RTF2: variants seen among roughly 807,000 people sequenced by gnomAD.
The protein encoded by RTF2 is UPF0549 protein C20orf43.
RTF2 carries 18 observed loss-of-function variants against 38.0 expected under a neutral mutation model. The observed-to-expected ratio is 0.47, with a 90% confidence interval of 0.33 to 0.70. The LOEUF is 0.70. Among genes scored for constraint, RTF2 ranks in the 30% least tolerant of loss-of-function variants. RTF2 has a pLI of 0.02. For synonymous variants in RTF2, 126 were observed against 137.1 expected (o/e 0.92, Z 0.57); for missense variants, 311 against 379.6 (o/e 0.82, Z 1.50).
At chr20:56,477,710 G>T (rs759743475) in intron 4 of RTF2, among the ~76,000 whole-genome samples, 6 of 152,058 alleles carry the variant, frequency 3.9e-5, no homozygotes, top group Admixed American at 6.6e-5. Context: ...TAGAGATAGG[G>T]TCTCCCTATG....
Position 56,481,211 on chromosome 20 carries a change from C to G in RTF2, c.399-2900C>G, listed in dbSNP as rs534207576. 2.6e-5 allele frequency among the ~76,000 whole-genome samples: 4 copies of G among 152,310 alleles called. No individual in the cohort carries two copies. In the South Asian group the frequency reaches 8.3e-4, roughly 32 times the overall value. On this transcript the variant is annotated intron_variant, in intron 4 of 8. Coordinates refer to ENST00000357348, the MANE Select transcript of RTF2 (RefSeq NM_016407.5). ...TCAGGAAAGGGGTGGGGCAAAGCAT[C>G]TCGAGTAAGTAAAAATGGTTTCATT...
At chr20:56,492,820 CT>C (rs1232087732) in intron 5 of RTF2, among the ~76,000 whole-genome samples, 1 of 152,020 alleles carries the variant, frequency 6.6e-6, no homozygotes, top group African/African-American at 2.4e-5. Flanking sequence ...AAACGTTGCT[CT>C]TTCTCTGCCC....
intron 6 of RTF2, among the ~76,000 whole-genome samples, chr20:56,514,904 G>A (rs768168708): frequency 2.0e-5 from 3 of 152,062 alleles, no homozygotes; most frequent in Non-Finnish European, 4.4e-5. Flanking sequence ...CTTGGTAGGC[G>A]GGCGTGGTGG....
intron 5 of RTF2, among the ~76,000 whole-genome samples, chr20:56,505,628 G>A (rs1984220137): frequency 6.6e-6 from 1 of 152,002 alleles, no homozygotes; most frequent in Non-Finnish European, 1.5e-5. Context: ...TTCTACATCT[G>A]GAAGGAGGAA....
intron 5 of RTF2, among the ~76,000 whole-genome samples, chr20:56,492,751 G>C (rs1983241544): frequency 6.6e-6 from 1 of 152,056 alleles, no homozygotes; most frequent in African/African-American, 2.4e-5. Context: ...GGAGGAAACA[G>C]ATTAGCGAAG....
At chr20:56,495,430 A>G (rs1258001087) in intron 5 of RTF2, 8 of 711,838 alleles carry the variant, frequency 1.1e-5, no homozygotes, top group South Asian at 6.9e-5. Context: ...GGAAAGTCCA[A>G]CCTTCCTTGA....
intron 5 of RTF2, among the ~76,000 whole-genome samples, chr20:56,508,912 A>G (rs1445557810): frequency 1.3e-5 from 2 of 152,354 alleles, no homozygotes; most frequent in South Asian, 2.1e-4. Flanking sequence ...TTTAGTTACA[A>G]ACCACTTAGG....
At chr20:56,473,473 T>G in intron 2 of RTF2, 78 bp downstream of exon 2, 1 of 1,046,478 alleles carries the variant, frequency 9.6e-7, no homozygotes, top group Non-Finnish European at 1.5e-6. Context: ...AGTTTTCCAT[T>G]CATCAAGCGT....
chr20:56,513,269 C>A, intron 5 of RTF2, 46 bp from the exon 6 acceptor site: 1 of 1,555,998 alleles, frequency 6.4e-7, no homozygotes, highest in South Asian at 1.2e-5. Flanking sequence ...GTGGCCTCCC[C>A]ATTGACTGGT....
intron 5 of RTF2, among the ~76,000 whole-genome samples, chr20:56,491,937 G>A (rs1742779134): frequency 6.6e-6 from 1 of 152,110 alleles, no homozygotes; most frequent in Non-Finnish European, 1.5e-5. Flanking sequence ...GCCTTGACAG[G>A]GGCTTTTATG....
At chr20:56,496,832 T>G in intron 5 of RTF2, 1 of 1,551,836 alleles carries the variant, frequency 6.4e-7, no homozygotes. Flanking sequence ...TATTTGGAGG[T>G]GCATAGATAC....
intron 4 of RTF2, among the ~76,000 whole-genome samples, chr20:56,479,048 T>C (rs1982395652): frequency 6.6e-6 from 1 of 152,200 alleles, no homozygotes; most frequent in South Asian, 2.1e-4. Context: ...TTCAGTCATC[T>C]TCAGGCTCCA....
At chr20:56,470,991 C>G (rs1362807686) in intron 1 of RTF2, 1 of 228,588 alleles carries the variant, frequency 4.4e-6, no homozygotes, top group African/African-American at 2.2e-5. Flanking sequence ...AATCATCAAA[C>G]TGGGCGGGGG....
intron 1 of RTF2, chr20:56,472,448 G>T (rs1400860496): frequency 1.5e-6 from 2 of 1,299,850 alleles, no homozygotes; most frequent in Admixed American, 4.0e-5. Flanking sequence ...GGCCAGGGAG[G>T]GTCTTATGTC....
At chr20:56,500,708 C>A (rs1484812098) in intron 5 of RTF2, among the ~76,000 whole-genome samples, 2 of 152,212 alleles carry the variant, frequency 1.3e-5, no homozygotes, top group Admixed American at 1.3e-4. Context: ...TGTGAAACTT[C>A]AGAATGGATG....
chr20:56,472,635 A>G (rs1982032065), intron 1 of RTF2, among the ~76,000 whole-genome samples: 1 of 152,068 alleles, frequency 6.6e-6, no homozygotes, highest in Non-Finnish European at 1.5e-5. Context: ...GCAACTTAGC[A>G]GGCTTTCCCA....
At chr20:56,492,387 A>G (rs948511108) in intron 5 of RTF2, among the ~76,000 whole-genome samples, 3 of 143,838 alleles carry the variant, frequency 2.1e-5, no homozygotes, top group African/African-American at 7.6e-5. Context: ...ACTGCTTTTT[A>G]TTTGTTTTTC....
At chr20:56,504,996 T>C (rs6099176) in intron 5 of RTF2, among the ~76,000 whole-genome samples, 125,745 of 152,196 alleles carry the variant, frequency 0.83, 52,158 homozygotes, top group East Asian at 0.99. Context: ...TCAGGGGTTG[T>C]GGCATTCATG....
At chr20:56,509,031 TAAA>T (rs1363105960) in intron 5 of RTF2, among the ~76,000 whole-genome samples, 1 of 152,142 alleles carries the variant, frequency 6.6e-6, no homozygotes, top group Non-Finnish European at 1.5e-5. Context: ...TTCATCAAAA[TAAA>T]AAACTTTTGT....
Sources: gnomAD v4.1 joint callset for allele counts (sites outside exome capture counted in the v4.1 genomes callset) on GRCh38, gnomAD v4.1.1 for gene constraint, MANE v1.5 for transcripts, NCBI Gene and HGNC (gene_info 2026-07-23, HGNC 2026-07-21) for gene names.